The following ASTN2 variants were observed in gnomAD, a reference collection of about 807,000 sequenced individuals.
ASTN2 encodes the protein astrotactin 2.
ASTN2 carries 54 observed loss-of-function variants against 139.8 expected under a neutral mutation model. The observed-to-expected ratio is 0.39, with a 90% CI of 0.31 to 0.48. The LOEUF (loss-of-function observed/expected upper bound fraction) is 0.48. ASTN2 is among the 20% of genes least tolerant of loss of function. The pLI, the probability that ASTN2 is intolerant of heterozygous loss-of-function variation, is 0.95. For synonymous variants in ASTN2, 756 were observed against 719.5 expected, an observed-to-expected ratio of 1.05 and a Z score of -0.81; for missense variants, 1,565 against 1,725.1, an observed-to-expected ratio of 0.91 and a Z score of 1.64.
intron 4 of ASTN2, among the ~76,000 whole-genome samples, chr9:117,135,214 A>T (rs899756276): frequency 6.6e-6 from 1 of 152,272 alleles, no homozygotes; most frequent in Non-Finnish European, 1.5e-5. Context: ...TGGGCTCTGA[A>T]TTCATAGCTC....
chr9:117,137,174 T>C (rs34749153), intron 4 of ASTN2, among the ~76,000 whole-genome samples: 31,142 of 152,072 alleles, frequency 0.2, 3,655 homozygotes, highest in Middle Eastern at 0.33. Flanking sequence ...CCACTATCCT[T>C]CCTCTGTCTG....
chr9:116,779,200 G>C (rs2132201026), intron 13 of ASTN2, among the ~76,000 whole-genome samples: 1 of 152,264 alleles, frequency 6.6e-6, no homozygotes, highest in African/African-American at 2.4e-5. Flanking sequence ...GTGTTGCAGG[G>C]TGGGGTCTTT....
chr9:116,947,256 A>G (rs1835424884), intron 10 of ASTN2, among the ~76,000 whole-genome samples: 2 of 152,210 alleles, frequency 1.3e-5, no homozygotes, highest in South Asian at 2.1e-4. Context: ...GTGAAATGGG[A>G]TTCACGTTTT....
chr9:116,770,202 G>A (rs1829921056), intron 13 of ASTN2, among the ~76,000 whole-genome samples: 1 of 152,078 alleles, frequency 6.6e-6, no homozygotes, highest in Admixed American at 6.5e-5. Flanking sequence ...AGCCGATATT[G>A]GAGAACATAG....
intron 11 of ASTN2, among the ~76,000 whole-genome samples, chr9:116,850,000 A>C (rs1273176119): frequency 6.6e-6 from 1 of 152,206 alleles, no homozygotes; most frequent in East Asian, 1.9e-4. Context: ...AAAAGAAGAA[A>C]AAAAATCCTT....
intron 12 of ASTN2, among the ~76,000 whole-genome samples, chr9:116,806,638 C>A (rs887752830): frequency 6.6e-6 from 1 of 152,042 alleles, no homozygotes; most frequent in African/African-American, 2.4e-5. Context: ...ATTGGACAGA[C>A]CTGTACAAAT....
chr9:116,505,978 C>A lies in ASTN2; in HGVS notation c.3356-18478G>T, dbSNP rs181433726. 3.9e-5 allele frequency among the ~76,000 whole-genome samples: 6 copies of A among 152,276 alleles called. No individual in the cohort carries two copies. The East Asian group carries it at 9.7e-4, about 25-fold the overall frequency. On this transcript the variant is annotated intron_variant, in intron 19 of 22. Coordinates refer to ENST00000313400, the MANE Select transcript of ASTN2 (RefSeq NM_001365068.1). ...CTGATCACTGTAACTAAATGGTATGCCCCCAACCTCTATCCTCATACCCTA... is the reference window on the plus strand; with the variant it reads ...CTGATCACTGTAACTAAATGGTATGACCCCAACCTCTATCCTCATACCCTA...
At chr9:116,692,749 T>A (rs1860635564) in intron 16 of ASTN2, among the ~76,000 whole-genome samples, 1 of 152,182 alleles carries the variant, frequency 6.6e-6, no homozygotes, top group African/African-American at 2.4e-5. Flanking sequence ...AGTTTTCTCA[T>A]CTATTTTACA....
At chr9:116,737,831 A>G (rs1828980082) in intron 13 of ASTN2, among the ~76,000 whole-genome samples, 1 of 152,228 alleles carries the variant, frequency 6.6e-6, no homozygotes, top group African/African-American at 2.4e-5. Flanking sequence ...ATAAGGATAC[A>G]AAGGCATAAG....
At chr9:117,270,673 T>C (rs1834042874) in intron 2 of ASTN2, among the ~76,000 whole-genome samples, 2 of 152,198 alleles carry the variant, frequency 1.3e-5, no homozygotes, top group South Asian at 4.1e-4. Context: ...TAAACTTCAA[T>C]CTTCCCATCT....
At chr9:116,634,593 A>AAC (rs1856978156) in intron 17 of ASTN2, among the ~76,000 whole-genome samples, 1 of 37,520 alleles carries the variant, frequency 2.7e-5, no homozygotes, top group Non-Finnish European at 6.5e-5. Context: ...CCGTCTCAAA[A>AAC]AAAAAAAAAA....
chr9:116,648,298 C>T (rs1857712899), intron 17 of ASTN2, among the ~76,000 whole-genome samples: 1 of 152,032 alleles, frequency 6.6e-6, no homozygotes, highest in African/African-American at 2.4e-5. Context: ...CCGCACTTGG[C>T]CTAATTTTTC....
At position 116,606,394 on chromosome 9, in the gene ASTN2, AGT is replaced by A. The variant is rs368227816; in HGVS notation, c.3355+11928_3355+11929del. Among the ~76,000 whole-genome samples, 7 of 152,080 alleles carry A rather than the reference AGT, an allele frequency of 4.6e-5. No individual in the cohort carries two copies. In the South Asian group the frequency reaches 8.3e-4, roughly 18 times the overall value. ...GGTGTGAAACAGATGGCAGCCATAA[AGT>A]GTGTGTGTATGTGTGTGTTTGTGTT... On this transcript the variant is annotated intron_variant, in intron 19 of 22. Transcript: ENST00000313400.
At chr9:116,954,971 A>G (rs1479689200) in intron 10 of ASTN2, among the ~76,000 whole-genome samples, 1 of 152,254 alleles carries the variant, frequency 6.6e-6, no homozygotes, top group Admixed American at 6.5e-5. Context: ...GTGCCAAAGT[A>G]TAAGAACTGA....
At chr9:116,879,792 C>T (rs1051412645) in intron 10 of ASTN2, among the ~76,000 whole-genome samples, 3 of 152,170 alleles carry the variant, frequency 2.0e-5, no homozygotes, top group Non-Finnish European at 2.9e-5. Context: ...CTAACAATAG[C>T]CTGCTTTTCA....
chr9:117,109,976 T>G (rs1337706151), intron 4 of ASTN2, among the ~76,000 whole-genome samples: 1 of 152,198 alleles, frequency 6.6e-6, no homozygotes, highest in African/African-American at 2.4e-5. Flanking sequence ...TGTTCAGAAT[T>G]TTATTTTTCA....
At chr9:116,774,419 TAGA>T (rs1298693155) in intron 13 of ASTN2, among the ~76,000 whole-genome samples, 1 of 152,214 alleles carries the variant, frequency 6.6e-6, no homozygotes, top group Non-Finnish European at 1.5e-5. Flanking sequence ...GGGTTGAAGA[TAGA>T]AGCTTTCTTC....
At chr9:117,118,743 T>A (rs547736376) in intron 4 of ASTN2, among the ~76,000 whole-genome samples, 1 of 152,292 alleles carries the variant, frequency 6.6e-6, no homozygotes, top group African/African-American at 2.4e-5. Context: ...TCACTCACCC[T>A]GGTCTTCCTG....
At chr9:116,929,280 G>A (rs1048156810) in intron 10 of ASTN2, among the ~76,000 whole-genome samples, 3 of 152,214 alleles carry the variant, frequency 2.0e-5, no homozygotes, top group African/African-American at 7.2e-5. Flanking sequence ...ACGAAAAGAA[G>A]ATGCCACTGA....
Sources: gnomAD v4.1 joint callset for allele counts (sites outside exome capture counted in the v4.1 genomes callset) on GRCh38, gnomAD v4.1.1 for gene constraint, MANE v1.5 for transcripts, NCBI Gene and HGNC (gene_info 2026-07-23, HGNC 2026-07-21) for gene names.